The following SDK1 variants were observed in gnomAD, a reference collection of about 807,000 sequenced individuals.
The protein encoded by SDK1 is protein sidekick-1.
A neutral mutation model predicts 245.5 loss-of-function variants in SDK1; 157 were observed. The ratio of observed to expected loss-of-function variants is 0.64; its 90% CI spans 0.56 to 0.73. The LOEUF (loss-of-function observed/expected upper bound fraction) is 0.73, where lower values mean the gene tolerates loss of function less well. Ranked by LOEUF, SDK1 falls within the 30% of genes least tolerant of loss-of-function variation. SDK1 has a pLI of 0.00. For missense variants in SDK1, 3,583 were observed against 3,002.3 expected (o/e 1.19, Z -4.52); for synonymous variants, 1,647 against 1,278.5 (o/e 1.29, Z -6.15).
At chr7:3,898,035 C>A (rs1428482659) in intron 5 of SDK1, among the ~76,000 whole-genome samples, 1 of 152,194 alleles carries the variant, frequency 6.6e-6, no homozygotes, top group Non-Finnish European at 1.5e-5. Flanking sequence ...TGCACACACA[C>A]CCCAATCAAC....
rs114132479 is a variant in SDK1, at chr7:3,578,490, A to G, written c.299-40590A>G. On this transcript the variant is annotated intron_variant, in intron 1 of 44. Coordinates refer to ENST00000404826, the MANE Select transcript of SDK1 (RefSeq NM_152744.4). ...GATTCGAGAGCAGAAAACCAGTCTGACCTCAAATTTACTAGTACAGGGTTT... is the reference window on the plus strand; with the variant it reads ...GATTCGAGAGCAGAAAACCAGTCTGGCCTCAAATTTACTAGTACAGGGTTT... 9.0e-3 allele frequency among the ~76,000 whole-genome samples: 1,367 copies of G among 152,062 alleles called. 26 individuals carry two copies. The highest frequency in any genetic ancestry group is 0.031 in the African/African-American group (1,292 of 41,522).
chr7:3,854,921 A>G (rs1039089269), intron 5 of SDK1, among the ~76,000 whole-genome samples: 6 of 152,200 alleles, frequency 3.9e-5, no homozygotes, highest in Non-Finnish European at 7.3e-5. Flanking sequence ...GTTAGGAGAC[A>G]CTGAGAGCAG....
intron 35 of SDK1, among the ~76,000 whole-genome samples, chr7:4,192,043 C>A (rs1212037190): frequency 6.6e-6 from 1 of 152,198 alleles, no homozygotes. Context: ...CCCCTCTTTG[C>A]CTGTTTCTCT....
chr7:4,101,963 G>T (rs1262342042), intron 22 of SDK1, among the ~76,000 whole-genome samples: 2 of 152,146 alleles, frequency 1.3e-5, no homozygotes, highest in African/African-American at 4.8e-5. Context: ...AGGGAACAAA[G>T]CCCATCACTC....
intron 4 of SDK1, among the ~76,000 whole-genome samples, chr7:3,701,514 T>A (rs1028518840): frequency 2.0e-5 from 3 of 152,162 alleles, no homozygotes; most frequent in Non-Finnish European, 2.9e-5. Flanking sequence ...GCAGGTGGAT[T>A]GCTTGATTCC....
chr7:3,507,227 C>T (rs1014376418), intron 1 of SDK1, among the ~76,000 whole-genome samples: 5 of 152,114 alleles, frequency 3.3e-5, no homozygotes, highest in East Asian at 1.9e-4. Flanking sequence ...TAGTAGTTGT[C>T]GTTTTTTGTG....
At chr7:4,049,844 T>A (rs753022558) in intron 18 of SDK1, among the ~76,000 whole-genome samples, 4 of 152,210 alleles carry the variant, frequency 2.6e-5, no homozygotes, top group African/African-American at 4.8e-5. Context: ...TGAGTGATAT[T>A]TCCATGGAGA....
At chr7:4,074,025 C>T (rs1384055373) in intron 20 of SDK1, among the ~76,000 whole-genome samples, 5 of 152,008 alleles carry the variant, frequency 3.3e-5, no homozygotes, top group South Asian at 4.1e-4. Context: ...GGCAGGGGGC[C>T]GTAGGTGTTT....
chr7:4,180,995 T>C (rs1261783616), intron 35 of SDK1, among the ~76,000 whole-genome samples: 1 of 152,202 alleles, frequency 6.6e-6, no homozygotes, highest in East Asian at 1.9e-4. Context: ...ATTCTCCGTG[T>C]GCAGTTCAGC....
At chr7:3,462,724 T>G (rs888242377) in intron 1 of SDK1, among the ~76,000 whole-genome samples, 4 of 152,142 alleles carry the variant, frequency 2.6e-5, no homozygotes, top group Non-Finnish European at 4.4e-5. Context: ...CAAACACCTC[T>G]GTGATCTCTC....
At chr7:3,566,595 C>T (rs747222951) in intron 1 of SDK1, among the ~76,000 whole-genome samples, 1 of 151,822 alleles carries the variant, frequency 6.6e-6, no homozygotes, top group African/African-American at 2.4e-5. Context: ...ATTACAGATT[C>T]TGTTCAATGA....
intron 1 of SDK1, among the ~76,000 whole-genome samples, chr7:3,333,543 C>A (rs1487914765): frequency 6.6e-6 from 1 of 152,146 alleles, no homozygotes; most frequent in Non-Finnish European, 1.5e-5. Context: ...TCACACTCAG[C>A]CTGGATTCCA....
intron 4 of SDK1, among the ~76,000 whole-genome samples, chr7:3,801,733 G>C (rs1372707657): frequency 6.6e-6 from 1 of 152,130 alleles, no homozygotes; most frequent in Non-Finnish European, 1.5e-5. Flanking sequence ...TGCTTCCTTG[G>C]CCTCCTTTGG....
chr7:3,696,634 G>A (rs1201489589), intron 4 of SDK1, among the ~76,000 whole-genome samples: 1 of 151,318 alleles, frequency 6.6e-6, no homozygotes, highest in Non-Finnish European at 1.5e-5. Flanking sequence ...TCAAAAAGCA[G>A]CAATAATTGT....
chr7:4,082,667 C>T (rs1781137868), intron 22 of SDK1, among the ~76,000 whole-genome samples: 1 of 152,072 alleles, frequency 6.6e-6, no homozygotes, highest in Non-Finnish European at 1.5e-5. Flanking sequence ...GTCACCCAGA[C>T]AGGAGTGAAG....
intron 1 of SDK1, among the ~76,000 whole-genome samples, chr7:3,435,488 G>A (rs937546672): frequency 4.0e-5 from 6 of 150,840 alleles, no homozygotes; most frequent in Admixed American, 6.6e-5. Flanking sequence ...AGACAGTCAC[G>A]CCCAGCTAAT....
chr7:4,158,489 C>T lies in SDK1; in HGVS notation c.4667C>T (p.Thr1556Ile). Reference protein sequence around the residue: ...FTSYKLRLKATNDIGDSDFSS... With the variant: ...FTSYKLRLKAINDIGDSDFSS... Reference sequence around the variant, plus strand: ...TCCTACAAGCTGCGCCTGAAAGCCACCAACGACATTGGGGACAGTGACTTC... The same window carrying T: ...TCCTACAAGCTGCGCCTGAAAGCCATCAACGACATTGGGGACAGTGACTTC... The change falls in exon 31 of 45, where the codon ACC (threonine) becomes ATC (isoleucine). Residue 1556 changes from threonine (T) to isoleucine (I), a missense_variant. Physicochemically the swap from Thr to Ile is moderately conservative, Grantham distance 89 (BLOSUM62 -1). Transcript: ENST00000404826. The T allele has an allele frequency of 1.2e-6, 2 of 1,613,892 alleles. No individual in the cohort carries two copies. The highest frequency in any genetic ancestry group is 1.1e-5 in the South Asian group (1 of 91,090).
chr7:3,447,902 C>T (rs965150202), intron 1 of SDK1, among the ~76,000 whole-genome samples: 1 of 151,834 alleles, frequency 6.6e-6, no homozygotes, highest in African/African-American at 2.4e-5. Flanking sequence ...CAGGGTTTCT[C>T]CATGTTAGTC....
intron 4 of SDK1, among the ~76,000 whole-genome samples, chr7:3,793,848 A>G (rs1459141391): frequency 6.6e-6 from 1 of 152,118 alleles, no homozygotes. Flanking sequence ...AATGGCAGTC[A>G]CCTTGGAAGA....
Sources: allele counts gnomAD v4.1 joint callset (sites outside exome capture counted in the v4.1 genomes callset), GRCh38; gene constraint gnomAD v4.1.1; transcripts MANE v1.5; gene names NCBI Gene and HGNC (gene_info 2026-07-23, HGNC 2026-07-21).